SLMAP: variants seen among roughly 807,000 people sequenced by gnomAD.
SLMAP encodes the protein sarcolemma associated protein.
SLMAP carries 44 observed loss-of-function variants against 128.8 expected under a neutral mutation model. The observed-to-expected ratio is 0.34, with a 90% CI of 0.27 to 0.44. The LOEUF is 0.44. Among genes scored for constraint, SLMAP ranks in the 20% least tolerant of loss-of-function variants. The pLI is 1.00. For synonymous variants in SLMAP, 327 were observed against 348.8 expected (o/e 0.94, Z 0.70); for missense variants, 787 against 985.3 (o/e 0.80, Z 2.69).
At chr3:57,893,204 A>C (rs1036379630) in intron 15 of SLMAP, among the ~76,000 whole-genome samples, 7 of 152,146 alleles carry the variant, frequency 4.6e-5, no homozygotes, top group Non-Finnish European at 1.0e-4. Flanking sequence ...GTGCACTGGG[A>C]ATATAGCAGT....
chr3:57,864,810 G>A lies in SLMAP; in HGVS notation c.1139G>A (p.Arg380Gln), dbSNP rs763432162. The A allele has an allele frequency of 1.9e-5, 31 of 1,590,186 alleles. No homozygotes were observed. Among genetic ancestry groups the A allele is most frequent in the East Asian group, 4.5e-5 (2 of 44,136 alleles). ...TNERLTALQV[R>Q]LEHLQEKTLK... is the part of the protein sequence containing the mutation. ...TTTTTTGGACTTTTATTTACAGTAC[G>A]GTTAGAACATCTTCAGGAGAAAACT... The change falls in exon 12 of 25, where the codon CGG becomes CAG. Residue 380 changes from arginine (R) to glutamine (Q), a missense_variant. Physicochemically the swap from Arg to Gln is conservative, Grantham distance 43 (BLOSUM62 1). This residue lies in a region of SLMAP where 715 missense variants were observed against 843.6 expected (regional missense o/e 0.85). Transcript: ENST00000671191.
chr3:57,766,080 G>A (rs2079625645), intron 2 of SLMAP, among the ~76,000 whole-genome samples: 1 of 147,716 alleles, frequency 6.8e-6, no homozygotes. Flanking sequence ...CTCATTGTAA[G>A]CTCCGCCTCC....
At chr3:57,850,033 A>G (rs535059928) in intron 6 of SLMAP, among the ~76,000 whole-genome samples, 3 of 152,102 alleles carry the variant, frequency 2.0e-5, no homozygotes, top group South Asian at 2.1e-4. Flanking sequence ...TTAATTAACC[A>G]GGTGTGATGG....
intron 13 of SLMAP, among the ~76,000 whole-genome samples, chr3:57,870,724 A>G (rs951815917): frequency 3.3e-5 from 5 of 152,164 alleles, no homozygotes; most frequent in Non-Finnish European, 7.4e-5. Context: ...TTTTATAGAG[A>G]GAATGGTGCC....
intron 14 of SLMAP, among the ~76,000 whole-genome samples, chr3:57,886,197 A>C (rs1280297142): frequency 2.7e-5 from 4 of 149,230 alleles, no homozygotes; most frequent in Non-Finnish European, 4.4e-5. Context: ...TCTGCCACCC[A>C]GGTTGAAGCA....
chr3:57,883,140 G>A (rs1236254460), intron 14 of SLMAP, among the ~76,000 whole-genome samples: 1 of 152,190 alleles, frequency 6.6e-6, no homozygotes, highest in African/African-American at 2.4e-5. Context: ...GTTGGGCAAG[G>A]TAGACATAAT....
Position 57,908,021 on chromosome 3 carries a change from A to G in SLMAP, c.1624+15A>G, listed in dbSNP as rs2096609070. 6.2e-7 allele frequency: 1 copy of G among 1,612,736 alleles called. No homozygotes were observed. Among genetic ancestry groups the G allele is most frequent in the Non-Finnish European group, 8.5e-7 (1 of 1,179,266 alleles). On this transcript the variant is annotated intron_variant, in intron 18 of 24. Coordinates refer to ENST00000671191, the MANE Select transcript of SLMAP (RefSeq NM_001377540.1). ...TGAACTTCAAGGTGAGATCAAGATT[A>G]CTTTGGTTCTTTAGGGATGTGTGGA...
rs2097030735 is a variant in SLMAP at position 57,927,590 on chromosome 3, T to G, written c.*301T>G. ...ATAAAATTGTGACTTTATTCTACTG[T>G]AAGCAATAATTTGCTTGCAATTTTT... On this transcript the variant is annotated 3_prime_UTR_variant, in exon 25 of 25. Coordinates refer to ENST00000671191, the MANE Select transcript of SLMAP (RefSeq NM_001377540.1). 3.2e-6 allele frequency: 1 copy of G among 312,336 alleles called. No homozygotes were observed. Among genetic ancestry groups the G allele is most frequent in the Non-Finnish European group, 5.8e-6 (1 of 172,206 alleles). 19.3% of individuals were successfully genotyped at this position (312,336 alleles called of 1,614,324 possible). A position where few individuals can be genotyped will look rare whatever the true frequency, so the allele number is the denominator to read the frequency against.
chr3:57,884,209 G>A (rs1030242506), intron 14 of SLMAP, among the ~76,000 whole-genome samples: 4 of 152,120 alleles, frequency 2.6e-5, no homozygotes, highest in Admixed American at 1.3e-4. Context: ...GATTATAGGC[G>A]TGAGCCACCA....
At chr3:57,912,276 CA>C in intron 19 of SLMAP, 104 bp from the exon 20 acceptor site, 1 of 929,418 alleles carries the variant, frequency 1.1e-6, no homozygotes, top group Non-Finnish European at 1.6e-6. Context: ...ACACTTTAAT[CA>C]AAAGCAACAG....
intron 2 of SLMAP, among the ~76,000 whole-genome samples, chr3:57,783,978 G>A (rs1437356113): frequency 6.6e-6 from 1 of 152,170 alleles, no homozygotes; most frequent in African/African-American, 2.4e-5. Flanking sequence ...AAAGGTACAA[G>A]CCATAAACTC....
chr3:57,895,228 C>T (rs1368420670), intron 15 of SLMAP, among the ~76,000 whole-genome samples: 1 of 152,032 alleles, frequency 6.6e-6, no homozygotes, highest in Non-Finnish European at 1.5e-5. Flanking sequence ...ACTATTGGGC[C>T]TATAGTTAGG....
intron 2 of SLMAP, among the ~76,000 whole-genome samples, chr3:57,812,737 GT>G (rs1352127012): frequency 1.3e-5 from 2 of 152,000 alleles, no homozygotes; most frequent in African/African-American, 4.8e-5. Flanking sequence ...TTTCAGTAAT[GT>G]TTTATAGTTT....
intron 2 of SLMAP, among the ~76,000 whole-genome samples, chr3:57,787,999 T>C (rs749306208): frequency 1.3e-5 from 2 of 151,926 alleles, no homozygotes; most frequent in Admixed American, 1.3e-4. Context: ...GAAGAAAGAG[T>C]GGTTAGAATG....
intron 3 of SLMAP, among the ~76,000 whole-genome samples, chr3:57,839,136 A>G (rs1264598093): frequency 6.6e-6 from 1 of 151,658 alleles, no homozygotes; most frequent in Non-Finnish European, 1.5e-5. Context: ...AATTTTTTGT[A>G]GAGAGTGGGT....
chr3:57,916,865 T>G lies in SLMAP; in HGVS notation c.2139-41T>G, dbSNP rs766650437. ...AACTGGACTTCCTTCTGTGTCCAGT[T>G]TCTACCTGTGAATAACTATCTGTCA... On this transcript the variant is annotated intron_variant, in intron 21 of 24. Coordinates refer to ENST00000671191, the MANE Select transcript of SLMAP (RefSeq NM_001377540.1). The G allele has an allele frequency of 1.4e-5, 22 of 1,567,228 alleles. No individual in the cohort carries two copies. In the South Asian group the frequency reaches 2.5e-4, roughly 18 times the overall value.
At position 57,927,942 on chromosome 3, in the gene SLMAP, AT is replaced by A. The variant is rs541732233; in HGVS notation, c.*666del. 1.1e-3 allele frequency: 166 copies of A among 145,318 alleles called. No homozygotes were observed. The highest frequency in any genetic ancestry group is 3.5e-3 in the Middle Eastern group (1 of 284). The allele number at this position is 145,318 out of a possible 1,614,324, so 9.0% of individuals were successfully genotyped here. On this transcript the variant is annotated 3_prime_UTR_variant, in exon 25 of 25. Transcript: ENST00000671191. ...GACTTAGAGACAACTATTTGCGTGG[AT>A]TTTTTTTTTTTTAAGGAAAAATACG...
Position 57,912,383 on chromosome 3 carries a change from C to A in SLMAP, c.1702C>A (p.Gln568Lys). The A allele has an allele frequency of 6.2e-7, 1 of 1,604,644 alleles. No individual in the cohort carries two copies. The highest frequency in any genetic ancestry group is 1.1e-5 in the South Asian group (1 of 90,940). ...AAATGATGGATATACTTTTGCAGCC[C>A]AATTGCAGAGGTTACACATCGATAC... is the stretch of plus-strand genomic sequence containing the variant. ...STKQIQVLQA[Q>K]LQRLHIDTEN... is the part of the protein sequence containing the mutation. The change falls in exon 20 of 25, where the codon CAA (glutamine) becomes AAA (lysine). Residue 568 changes from glutamine to lysine, a missense_variant and splice_region_variant. By Grantham distance (53) the Gln-to-Lys change is moderately conservative. This residue lies in a region of SLMAP where 715 missense variants were observed against 843.6 expected (regional missense o/e 0.85). Transcript: ENST00000671191.
intron 2 of SLMAP, among the ~76,000 whole-genome samples, chr3:57,788,761 C>T (rs899838767): frequency 1.3e-5 from 2 of 152,070 alleles, no homozygotes; most frequent in African/African-American, 4.8e-5. Context: ...TTGGACTTGT[C>T]AGGTAGGGGT....
Sources: allele counts gnomAD v4.1 joint callset (sites outside exome capture counted in the v4.1 genomes callset), GRCh38; gene constraint gnomAD v4.1.1; regional missense constraint gnomAD v4.1.1; transcripts MANE v1.5; gene names NCBI Gene and HGNC (gene_info 2026-07-23, HGNC 2026-07-21).